NCKAP5: variants seen among roughly 807,000 people sequenced by gnomAD.
NCKAP5 encodes NCK associated protein 5, also known as nck-associated protein 5.
In NCKAP5, 92 loss-of-function variants were observed where a neutral mutation model predicts 167.0. The ratio of observed to expected loss-of-function variants is 0.55; its 90% CI spans 0.47 to 0.66. NCKAP5 has a LOEUF of 0.66. NCKAP5 is among the 30% of genes least tolerant of loss of function. The pLI, the probability that NCKAP5 is intolerant of heterozygous loss-of-function variation, is 0.00. For synonymous variants in NCKAP5, 891 were observed against 877.4 expected (o/e 1.02, Z -0.27); for missense variants, 2,378 against 2,315.0 (o/e 1.03, Z -0.56).
intron 3 of NCKAP5, among the ~76,000 whole-genome samples, chr2:133,386,500 G>A (rs1029811769): frequency 1.2e-4 from 18 of 152,172 alleles, no homozygotes; most frequent in Admixed American, 1.2e-3. Flanking sequence ...GGTGTGGTGT[G>A]GTGCTGAGAA....
At chr2:133,171,221 A>G (rs903818201) in intron 5 of NCKAP5, among the ~76,000 whole-genome samples, 2 of 152,190 alleles carry the variant, frequency 1.3e-5, no homozygotes, top group Admixed American at 6.5e-5. Context: ...CCACAAAAGG[A>G]GACAGTTGTT....
In NCKAP5 at chr2:132,672,309, G is replaced by C. The variant is rs1485015258; in HGVS notation, c.*980C>G. ...AAAAGACAATCTAAAGAAATGTCTG[G>C]AAGGAAAAACTGGTATTGGGAATAG... On this transcript the variant is annotated 3_prime_UTR_variant, in exon 20 of 20. Coordinates refer to ENST00000409261, the MANE Select transcript of NCKAP5 (RefSeq NM_207363.3). 1 of 152,376 alleles carries C rather than the reference G, an allele frequency of 6.6e-6. No homozygotes were observed. The highest frequency in any genetic ancestry group is 1.5e-5 in the Non-Finnish European group (1 of 68,046). 9.4% of individuals were successfully genotyped at this position (152,376 alleles called of 1,614,324 possible).
chr2:133,146,695 CA>C (rs1394359755), intron 5 of NCKAP5, among the ~76,000 whole-genome samples: 1 of 152,104 alleles, frequency 6.6e-6, no homozygotes, highest in Non-Finnish European at 1.5e-5. Flanking sequence ...CTAATCCACA[CA>C]AACACCAAAT....
chr2:133,000,516 T>C (rs563757603), intron 6 of NCKAP5, among the ~76,000 whole-genome samples: 11 of 152,196 alleles, frequency 7.2e-5, no homozygotes, highest in Admixed American at 1.3e-4. Context: ...CTCCCTCATA[T>C]TGGATGCCTA....
At chr2:133,094,719 GT>G (rs2081292631) in intron 6 of NCKAP5, among the ~76,000 whole-genome samples, 1 of 152,150 alleles carries the variant, frequency 6.6e-6, no homozygotes, top group Admixed American at 6.5e-5. Flanking sequence ...TTGACTTTGA[GT>G]TAATCAAAAG....
intron 3 of NCKAP5, among the ~76,000 whole-genome samples, chr2:133,443,256 A>G (rs1690969300): frequency 6.6e-6 from 1 of 152,196 alleles, no homozygotes; most frequent in South Asian, 2.1e-4. Flanking sequence ...CCTACCAGCA[A>G]TCTAGGGAAG....
At chr2:133,081,203 C>T (rs1322973096) in intron 6 of NCKAP5, among the ~76,000 whole-genome samples, 1 of 152,082 alleles carries the variant, frequency 6.6e-6, no homozygotes. Flanking sequence ...TCTCATAAAG[C>T]AAATTAATAT....
At chr2:133,292,031 G>A (rs901624535) in intron 4 of NCKAP5, among the ~76,000 whole-genome samples, 3 of 152,076 alleles carry the variant, frequency 2.0e-5, no homozygotes, top group Non-Finnish European at 4.4e-5. Flanking sequence ...GTGGAGGTAG[G>A]GTAATGGAAC....
chr2:133,529,716 T>C (rs1444157188), intron 2 of NCKAP5, among the ~76,000 whole-genome samples: 1 of 152,206 alleles, frequency 6.6e-6, no homozygotes, highest in Non-Finnish European at 1.5e-5. Context: ...GAACCAATCA[T>C]AAAGCTTTTA....
chr2:133,460,892 T>C (rs1371706372), intron 3 of NCKAP5, among the ~76,000 whole-genome samples: 2 of 152,168 alleles, frequency 1.3e-5, no homozygotes, highest in African/African-American at 4.8e-5. Flanking sequence ...ATTTATAACA[T>C]TTAAGCTAAA....
At chr2:132,928,792 A>G (rs910177208) in intron 8 of NCKAP5, among the ~76,000 whole-genome samples, 1 of 152,124 alleles carries the variant, frequency 6.6e-6, no homozygotes, top group African/African-American at 2.4e-5. Flanking sequence ...AAGTTTGGGT[A>G]TGAATTTCAA....
At chr2:133,042,440 A>T (rs1001759012) in intron 6 of NCKAP5, among the ~76,000 whole-genome samples, 2 of 152,194 alleles carry the variant, frequency 1.3e-5, no homozygotes, top group African/African-American at 4.8e-5. Flanking sequence ...TGTACTTCCA[A>T]AAGAAAGGTG....
At chr2:132,743,086 A>G (rs1389310320) in intron 16 of NCKAP5, among the ~76,000 whole-genome samples, 2 of 152,038 alleles carry the variant, frequency 1.3e-5, no homozygotes, top group African/African-American at 4.8e-5. Flanking sequence ...ACACACACAC[A>G]CACACAATTG....
the NCKAP5 span, among the ~76,000 whole-genome samples, chr2:133,593,510 T>C: frequency 6.6e-6 from 1 of 152,274 alleles, no homozygotes; most frequent in African/African-American, 2.4e-5. Flanking sequence ...TTAAAATGAA[T>C]ACTTAAAATT....
chr2:133,624,169 T>C, the NCKAP5 span, among the ~76,000 whole-genome samples: 5 of 152,044 alleles, frequency 3.3e-5, no homozygotes, highest in African/African-American at 1.2e-4. Context: ...AGACTACACA[T>C]TGGGTACAGG....
chr2:133,602,057 CGAGA>C, the NCKAP5 span, among the ~76,000 whole-genome samples: 5 of 151,906 alleles, frequency 3.3e-5, no homozygotes, highest in African/African-American at 1.2e-4. Flanking sequence ...TTTGAGGGAA[CGAGA>C]GAGAGAGGGA....
chr2:133,261,871 A>C (rs2088923763), intron 4 of NCKAP5, among the ~76,000 whole-genome samples: 1 of 152,182 alleles, frequency 6.6e-6, no homozygotes, highest in South Asian at 2.1e-4. Flanking sequence ...TAGAAATGAA[A>C]ATAATACCCA....
chr2:132,721,922 C>G (rs1383476478), intron 19 of NCKAP5, among the ~76,000 whole-genome samples: 2 of 152,194 alleles, frequency 1.3e-5, no homozygotes, highest in African/African-American at 2.4e-5. Flanking sequence ...TCCCAAGAAG[C>G]TAAAGCAATA....
At chr2:132,816,362 A>G (rs372069642) in intron 11 of NCKAP5, among the ~76,000 whole-genome samples, 1 of 152,026 alleles carries the variant, frequency 6.6e-6, no homozygotes. Flanking sequence ...GGATAGGTAA[A>G]TGCTTCAGTA....
Sources: allele counts gnomAD v4.1 joint callset (sites outside exome capture counted in the v4.1 genomes callset), GRCh38; gene constraint gnomAD v4.1.1; transcripts MANE v1.5; gene names NCBI Gene and HGNC (gene_info 2026-07-23, HGNC 2026-07-21).